The following MAGI1 variants were observed in gnomAD, a reference collection of about 807,000 sequenced individuals.
MAGI1 encodes the protein membrane-associated guanylate kinase, WW and PDZ domain-containing protein 1.
Under a neutral mutation model 139.9 loss-of-function variants are expected in MAGI1, and 58 were observed. The observed-to-expected ratio is 0.41, with a 90% CI of 0.34 to 0.52. MAGI1 has a LOEUF of 0.52. Among genes scored for constraint, MAGI1 ranks in the 20% least tolerant of loss-of-function variants. MAGI1 has a pLI of 0.12. For synonymous variants in MAGI1, 812 were observed against 737.9 expected (o/e 1.10, Z -1.63); for missense variants, 1,874 against 1,901.6 (o/e 0.99, Z 0.27).
At chr3:65,728,606 C>T (rs1479618558) in intron 1 of MAGI1, among the ~76,000 whole-genome samples, 1 of 152,184 alleles carries the variant, frequency 6.6e-6, no homozygotes, top group African/African-American at 2.4e-5. Flanking sequence ...ACTAGATAGT[C>T]ATTCAGCTAA....
chr3:65,739,313 G>A (rs563945545), intron 1 of MAGI1, among the ~76,000 whole-genome samples: 193 of 152,256 alleles, frequency 1.3e-3, no homozygotes, highest in Non-Finnish European at 2.4e-3. Flanking sequence ...CACAGAACTG[G>A]GGAGTTAGGG....
intron 1 of MAGI1, among the ~76,000 whole-genome samples, chr3:65,966,124 C>T (rs563310778): frequency 1.3e-5 from 2 of 152,276 alleles, no homozygotes; most frequent in East Asian, 3.9e-4. Flanking sequence ...ACCTTCTTCC[C>T]ACAAAATATT....
chr3:65,604,832 T>A (rs181407264), intron 2 of MAGI1, among the ~76,000 whole-genome samples: 30 of 152,272 alleles, frequency 2.0e-4, no homozygotes, highest in African/African-American at 6.7e-4. Flanking sequence ...GACTGTAAAT[T>A]TCAACAAGAA....
intron 1 of MAGI1, among the ~76,000 whole-genome samples, chr3:65,915,326 C>G (rs570372767): frequency 6.6e-6 from 1 of 152,186 alleles, no homozygotes; most frequent in Non-Finnish European, 1.5e-5. Context: ...AAGCATAAAT[C>G]CAAACACCAA....
chr3:66,032,661 A>G (rs1424109651), intron 1 of MAGI1, among the ~76,000 whole-genome samples: 2 of 151,858 alleles, frequency 1.3e-5, no homozygotes, highest in Non-Finnish European at 2.9e-5. Context: ...GCTCACGCCT[A>G]CAATCCTAGC....
At chr3:65,891,749 G>T in intron 1 of MAGI1, among the ~76,000 whole-genome samples, 1 of 83,514 alleles carries the variant, frequency 1.2e-5, no homozygotes, top group African/African-American at 4.4e-5. Context: ...TGGGGTGGGG[G>T]GAGGGGGAGG....
intron 2 of MAGI1, among the ~76,000 whole-genome samples, chr3:65,616,676 A>G (rs1366026975): frequency 1.3e-5 from 2 of 152,162 alleles, no homozygotes; most frequent in Non-Finnish European, 2.9e-5. Flanking sequence ...AATAGAGAGA[A>G]AGTTTCCAGT....
rs191605301 is a variant in MAGI1, at chr3:65,990,712, C to T, written c.313+47284G>A. Among the ~76,000 whole-genome samples, 392 of 152,164 alleles carry T rather than the reference C, an allele frequency of 2.6e-3. 1 individual carries two copies. Among genetic ancestry groups the T allele is most frequent in the Non-Finnish European group, 4.4e-3 (298 of 68,012 alleles). On this transcript the variant is annotated intron_variant, in intron 1 of 22. Transcript: ENST00000402939. Reference sequence around the variant, plus strand: ...CTTAGTCATCTTCAAATATATAGGCCATTGTGCAGAAGAACTTAGGTGGTA... The same window carrying T: ...CTTAGTCATCTTCAAATATATAGGCTATTGTGCAGAAGAACTTAGGTGGTA...
At chr3:65,950,966 AGG>A (rs1491337751) in intron 1 of MAGI1, among the ~76,000 whole-genome samples, 11 of 5,156 alleles carry the variant, frequency 2.1e-3, no homozygotes, top group Non-Finnish European at 4.2e-3. Flanking sequence ...AAGAGAAGGA[AGG>A]AAGGAAGGAA....
intron 1 of MAGI1, among the ~76,000 whole-genome samples, chr3:65,705,688 A>T (rs1412343642): frequency 6.6e-6 from 1 of 152,220 alleles, no homozygotes; most frequent in Non-Finnish European, 1.5e-5. Flanking sequence ...AGATAATTAG[A>T]CATTAATGTG....
At chr3:65,836,226 T>A (rs995174591) in intron 1 of MAGI1, among the ~76,000 whole-genome samples, 2 of 152,142 alleles carry the variant, frequency 1.3e-5, no homozygotes, top group African/African-American at 2.4e-5. Context: ...AATGATGTCA[T>A]CATTGCAAAA....
chr3:65,965,851 G>A (rs116102740), intron 1 of MAGI1, among the ~76,000 whole-genome samples: 2,111 of 152,052 alleles, frequency 0.014, 31 homozygotes, highest in East Asian at 0.042. Context: ...ATGGGATTTC[G>A]CCATGTTGGC....
chr3:65,453,244 G>A lies in MAGI1; in HGVS notation c.1042+14C>T. 1.2e-6 allele frequency: 2 copies of A among 1,613,076 alleles called. No homozygotes were observed. The highest frequency in any genetic ancestry group is 1.7e-6 in the Non-Finnish European group (2 of 1,179,356). On this transcript the variant is annotated intron_variant, in intron 6 of 22. Coordinates refer to ENST00000402939, the MANE Select transcript of MAGI1 (RefSeq NM_001033057.2). ...CCCCAATTCACTTAACCCAAGACCT[G>A]CCTGGCCCCTTACCATCATCTTCAC...
intron 14 of MAGI1, among the ~76,000 whole-genome samples, chr3:65,384,614 C>G (rs1266992275): frequency 6.6e-6 from 1 of 152,072 alleles, no homozygotes; most frequent in African/African-American, 2.4e-5. Context: ...TGTGCCTGTA[C>G]TCCTAGCTAT....
At chr3:65,708,213 C>G (rs189021472) in intron 1 of MAGI1, among the ~76,000 whole-genome samples, 4 of 152,108 alleles carry the variant, frequency 2.6e-5, no homozygotes, top group Non-Finnish European at 4.4e-5. Flanking sequence ...GCTTTTCCCC[C>G]CTTTTAAAGA....
chr3:65,989,786 C>T (rs1037342759), intron 1 of MAGI1, among the ~76,000 whole-genome samples: 10 of 152,198 alleles, frequency 6.6e-5, no homozygotes, highest in Non-Finnish European at 1.5e-5. Context: ...GACCCGCCCA[C>T]CTCAGCTTCC....
intron 1 of MAGI1, among the ~76,000 whole-genome samples, chr3:65,944,971 G>A (rs1398390720): frequency 6.6e-6 from 1 of 152,192 alleles, no homozygotes; most frequent in African/African-American, 2.4e-5. Flanking sequence ...TAATATTGCT[G>A]TGATGGGGCA....
Position 65,478,751 on chromosome 3 carries a change from T to G in MAGI1, c.598A>C (p.Lys200Gln). ...TGCAAGGCATCCGTCGTGATCACTT[T>G]CCCACTGACTGGCTGGCTAGGAGGC... The part of the protein sequence containing the change: ...PKPPSQPVSG[K>Q]VITTDALHSL... The change falls in exon 4 of 23, where the codon AAA (lysine) becomes CAA (glutamine). Residue 200 changes from lysine (K) to glutamine (Q), a missense_variant. Lys to Gln is a moderately conservative substitution (Grantham distance 53, BLOSUM62 1). Around this residue, in one of 5 missense-constraint regions of MAGI1, gnomAD observed 648 missense variants for 598.1 expected, o/e 1.08. Transcript: ENST00000402939. 1 of 1,614,136 alleles carries G rather than the reference T, an allele frequency of 6.2e-7. No individual in the cohort carries two copies. The highest frequency in any genetic ancestry group is 8.5e-7 in the Non-Finnish European group (1 of 1,179,990).
intron 18 of MAGI1, among the ~76,000 whole-genome samples, chr3:65,373,240 T>C (rs746211926): frequency 6.6e-6 from 1 of 152,164 alleles, no homozygotes; most frequent in African/African-American, 2.4e-5. Context: ...CTAATTTCAA[T>C]ACTGCTTTAT....
Sources: allele counts gnomAD v4.1 joint callset (sites outside exome capture counted in the v4.1 genomes callset), GRCh38; gene constraint gnomAD v4.1.1; regional missense constraint gnomAD v4.1.1; transcripts MANE v1.5; gene names NCBI Gene and HGNC (gene_info 2026-07-23, HGNC 2026-07-21).